The following ACTR3 variants were observed in gnomAD, a reference collection of about 807,000 sequenced individuals.
ACTR3 encodes the protein actin related protein 3.
ACTR3 carries 12 observed loss-of-function variants against 56.8 expected under a neutral mutation model. That is an observed-to-expected ratio of 0.21 (90% CI 0.14 to 0.34). The LOEUF is 0.34. Ranked by LOEUF, ACTR3 falls within the 10% of genes least tolerant of loss-of-function variation. ACTR3 has a pLI of 1.00. For synonymous variants in ACTR3, 162 were observed against 167.4 expected, an observed-to-expected ratio of 0.97 and a Z score of 0.25; for missense variants, 282 against 512.5, an observed-to-expected ratio of 0.55 and a Z score of 4.34.
intron 1 of ACTR3, among the ~76,000 whole-genome samples, chr2:113,896,829 A>C (rs187207818): frequency 6.6e-6 from 1 of 152,200 alleles, no homozygotes; most frequent in Non-Finnish European, 1.5e-5. Context: ...ATGTCATTCA[A>C]TTTTCTAAGA....
chr2:113,914,634 GAAAGAA>G (rs1339815804), intron 2 of ACTR3, among the ~76,000 whole-genome samples: 1 of 136,728 alleles, frequency 7.3e-6, no homozygotes, highest in Non-Finnish European at 1.6e-5. Flanking sequence ...AAAAAAAAAA[GAAAGAA>G]AAAGAAAAGA....
At chr2:113,924,277 A>G (rs1012872376) in intron 3 of ACTR3, among the ~76,000 whole-genome samples, 2 of 151,272 alleles carry the variant, frequency 1.3e-5, no homozygotes, top group South Asian at 2.1e-4. Flanking sequence ...GGGTCTCACT[A>G]CGTTGCCTAG....
chr2:113,942,969 T>C (rs1193588749), intron 8 of ACTR3, among the ~76,000 whole-genome samples: 1 of 152,258 alleles, frequency 6.6e-6, no homozygotes, highest in Non-Finnish European at 1.5e-5. Flanking sequence ...AGAATAGTTA[T>C]TTTTAAAATT....
rs189077934 is a variant in ACTR3 at position 113,944,278 on chromosome 2, C to T, written c.858+1919C>T. On this transcript the variant is annotated intron_variant, in intron 8 of 11. Coordinates refer to ENST00000263238, the MANE Select transcript of ACTR3 (RefSeq NM_005721.5). ...GGCTATGAAAGAAAAAGACAGTGGA[C>T]GAGTAAGAATTCAGTTGCAAGAATA... 6.9e-4 allele frequency among the ~76,000 whole-genome samples: 105 copies of T among 151,814 alleles called. 1 individual carries two copies. In the East Asian group the frequency reaches 9.9e-3, roughly 14 times the overall value.
At chr2:113,936,470 GGTT>G (rs1052005323) in intron 6 of ACTR3, among the ~76,000 whole-genome samples, 4 of 151,972 alleles carry the variant, frequency 2.6e-5, no homozygotes, top group Admixed American at 2.0e-4. Context: ...TTTTGGTGGT[GGTT>G]GTTGTATGGG....
Position 113,890,191 on chromosome 2 carries a change from T to G in ACTR3, c.-89T>G. 2 of 1,523,320 alleles carry G rather than the reference T, an allele frequency of 1.3e-6. No individual in the cohort carries two copies. The highest frequency in any genetic ancestry group is 8.9e-7 in the Non-Finnish European group (1 of 1,122,148). The allele number at this position is 1,523,320 out of a possible 1,614,324, so 94.4% of individuals were successfully genotyped here. A position where few individuals can be genotyped will look rare whatever the true frequency, so the allele number is the denominator to read the frequency against. Reference sequence around the variant, plus strand: ...GTGAAGGCGGCCCAGCTGTGGATGGTCAGATAGCCCTTGTCTCCCGCCGCC... The same window carrying G: ...GTGAAGGCGGCCCAGCTGTGGATGGGCAGATAGCCCTTGTCTCCCGCCGCC... On this transcript the variant is annotated 5_prime_UTR_variant, in exon 1 of 12. Transcript: ENST00000263238.
intron 1 of ACTR3, among the ~76,000 whole-genome samples, chr2:113,910,960 G>A (rs375825735): frequency 3.7e-4 from 56 of 152,322 alleles, no homozygotes; most frequent in African/African-American, 1.2e-3. Flanking sequence ...CTATTGGTTA[G>A]ATAGTAGTAG....
Position 113,955,623 on chromosome 2 carries a change from C to T in ACTR3, c.1078C>T (p.Pro360Ser). 6.2e-7 allele frequency: 1 copy of T among 1,609,446 alleles called. No homozygotes were observed. Among genetic ancestry groups the T allele is most frequent in the Non-Finnish European group, 8.5e-7 (1 of 1,177,142 alleles). Residue 360 changes from proline (P) to serine (S), a missense_variant and splice_region_variant, in exon 11 of 12, where the codon CCA becomes TCA. By Grantham distance (74) the Pro-to-Ser change is moderately conservative. Transcript: ENST00000263238. ...ATGATCATACTATGTCTTTCTTTAG[C>T]CAAAACCTATTGATGTACAAGTCAT... is the stretch of plus-strand genomic sequence containing the variant. The part of the protein sequence containing the change: ...SEELSGGRLK[P>S]KPIDVQVITH...
chr2:113,923,635 T>A (rs967756353), intron 3 of ACTR3, among the ~76,000 whole-genome samples: 2 of 152,086 alleles, frequency 1.3e-5, no homozygotes, highest in African/African-American at 4.8e-5. Context: ...GTGCCCGGCC[T>A]GTTTTGTTTG....
intron 8 of ACTR3, among the ~76,000 whole-genome samples, chr2:113,943,672 G>A (rs1679964669): frequency 1.3e-5 from 2 of 152,158 alleles, no homozygotes; most frequent in Non-Finnish European, 2.9e-5. Flanking sequence ...TAGATATGAG[G>A]GGAGTAAGAA....
At chr2:113,914,095 G>T (rs1309788747) in intron 2 of ACTR3, among the ~76,000 whole-genome samples, 1 of 113,050 alleles carries the variant, frequency 8.8e-6, no homozygotes, top group Non-Finnish European at 1.8e-5. Flanking sequence ...TGAATTTTTT[G>T]TATTTCATTG....
chr2:113,916,420 C>G (rs1217692171), intron 2 of ACTR3, among the ~76,000 whole-genome samples: 2 of 152,058 alleles, frequency 1.3e-5, no homozygotes, highest in African/African-American at 2.4e-5. Flanking sequence ...ATAGTAATTA[C>G]TGTTACTAGA....
chr2:113,960,805 G>A lies in ACTR3; in HGVS notation c.*3350G>A, dbSNP rs2104638463. ...CCAGATTTCCAACTCGGGTTAATTG[G>A]TACTAATTCTATTAGCTGGTATAAA... On this transcript the variant is annotated 3_prime_UTR_variant, in exon 12 of 12. Transcript: ENST00000263238. The A allele has an allele frequency of 6.6e-6, 1 of 152,046 alleles. No homozygotes were observed. Among genetic ancestry groups the A allele is most frequent in the East Asian group, 1.9e-4 (1 of 5,176 alleles). 9.4% of individuals were successfully genotyped at this position (152,046 alleles called of 1,614,324 possible). A position where few individuals can be genotyped will look rare whatever the true frequency, so the allele number is the denominator to read the frequency against.
intron 10 of ACTR3, chr2:113,953,017 A>G (rs1395691758): frequency 2.0e-5 from 3 of 152,158 alleles, no homozygotes; most frequent in Non-Finnish European, 4.4e-5. Flanking sequence ...AACATAGTGC[A>G]TGTTCTGGTT....
intron 8 of ACTR3, among the ~76,000 whole-genome samples, chr2:113,947,844 C>A (rs1363782494): frequency 2.0e-5 from 3 of 152,048 alleles, no homozygotes; most frequent in African/African-American, 7.2e-5. Flanking sequence ...AAAACATTTT[C>A]TGTTGTCTAT....
At chr2:113,931,959 T>A (rs890807425) in intron 5 of ACTR3, among the ~76,000 whole-genome samples, 1 of 151,978 alleles carries the variant, frequency 6.6e-6, no homozygotes, top group Non-Finnish European at 1.5e-5. Context: ...TGTGTATTAA[T>A]TCATTATTTC....
chr2:113,928,958 A>G (rs1436272629), intron 4 of ACTR3, among the ~76,000 whole-genome samples: 1 of 152,198 alleles, frequency 6.6e-6, no homozygotes, highest in Non-Finnish European at 1.5e-5. Flanking sequence ...CAAATAATGG[A>G]ATCATGCAAT....
At chr2:113,957,220 T>A (rs1680232661) in intron 11 of ACTR3, 140 bp from the exon 12 acceptor site, 1 of 557,880 alleles carries the variant, frequency 1.8e-6, no homozygotes, top group African/African-American at 1.9e-5. Context: ...ATTTCTAAGC[T>A]TTCATGCCAT....
intron 1 of ACTR3, chr2:113,890,682 T>G: frequency 3.2e-5 from 36 of 1,129,486 alleles, no homozygotes; most frequent in East Asian, 2.0e-4. Context: ...CGGCTTTCCT[T>G]TCCCTCCGCG....
Sources: gnomAD v4.1 joint callset for allele counts (sites outside exome capture counted in the v4.1 genomes callset) on GRCh38, gnomAD v4.1.1 for gene constraint, MANE v1.5 for transcripts, NCBI Gene and HGNC (gene_info 2026-07-23, HGNC 2026-07-21) for gene names.